CCDC60: variants seen among roughly 807,000 people sequenced by gnomAD.
CCDC60 encodes coiled-coil domain-containing protein 60.
In CCDC60, 54 loss-of-function variants were observed where a neutral mutation model predicts 63.5. The observed-to-expected ratio is 0.85, with a 90% confidence interval of 0.68 to 1.07. CCDC60 has a LOEUF of 1.07. Ranked by LOEUF, CCDC60 falls within the 50% of genes least tolerant of loss-of-function variation. The pLI is 0.00. For missense variants in CCDC60, 651 were observed against 684.3 expected, an observed-to-expected ratio of 0.95 and a Z score of 0.54; for synonymous variants, 206 against 238.8, an observed-to-expected ratio of 0.86 and a Z score of 1.27.
At chr12:119,394,988 G>A (rs565899913) in intron 1 of CCDC60, among the ~76,000 whole-genome samples, 12 of 152,344 alleles carry the variant, frequency 7.9e-5, no homozygotes, top group Admixed American at 5.2e-4. Context: ...GCTTCATAAT[G>A]GTGAGGATAC....
At chr12:119,384,978 A>T (rs761076231) in intron 1 of CCDC60, among the ~76,000 whole-genome samples, 12 of 152,272 alleles carry the variant, frequency 7.9e-5, no homozygotes, top group Non-Finnish European at 1.8e-4. Flanking sequence ...TGGCGAAACC[A>T]TGTGCCCTGG....
intron 4 of CCDC60, 82 bp from the exon 5 acceptor site, chr12:119,488,677 C>G: frequency 8.6e-7 from 1 of 1,162,086 alleles, no homozygotes. Context: ...GGAGCAAGTA[C>G]CACTACTATT....
chr12:119,456,663 T>C lies in CCDC60; in HGVS notation c.171-15331T>C, dbSNP rs1950755330. 6.6e-6 allele frequency among the ~76,000 whole-genome samples: 1 copy of C among 152,182 alleles called. No individual in the cohort carries two copies. The highest frequency in any genetic ancestry group is 6.5e-5 in the Admixed American group (1 of 15,282). On this transcript the variant is annotated intron_variant, in intron 2 of 13. Coordinates refer to ENST00000327554, the MANE Select transcript of CCDC60 (RefSeq NM_178499.5). The surrounding 1 kb of genome is among the most constrained non-coding windows in gnomAD (Gnocchi z 4.6). ...CCCCAAGGGCTAATGGTTGCCCATT[T>C]TTATGGTTATTTCCTGATGATATGC...
chr12:119,393,750 A>G (rs1416974169), intron 1 of CCDC60, among the ~76,000 whole-genome samples: 5 of 152,222 alleles, frequency 3.3e-5, no homozygotes, highest in Non-Finnish European at 5.9e-5. Context: ...GAGGAAAGAA[A>G]TATCAGTCTG....
intron 2 of CCDC60, among the ~76,000 whole-genome samples, chr12:119,464,901 A>G (rs113713912): frequency 0.046 from 6,959 of 152,266 alleles, 545 homozygotes; most frequent in African/African-American, 0.16. Flanking sequence ...TATGGATTCA[A>G]TTGTGTCCTC....
At chr12:119,352,656 G>T (rs892473959) in intron 1 of CCDC60, among the ~76,000 whole-genome samples, 1 of 152,138 alleles carries the variant, frequency 6.6e-6, no homozygotes, top group Admixed American at 6.5e-5. Context: ...TCACTTCCCA[G>T]TCAGACATGG....
chr12:119,539,569 G>A (rs1264954099), intron 13 of CCDC60, among the ~76,000 whole-genome samples: 1 of 152,212 alleles, frequency 6.6e-6, no homozygotes, highest in Non-Finnish European at 1.5e-5. Flanking sequence ...ACTTCAGACT[G>A]CTGTGCTGGC....
intron 1 of CCDC60, among the ~76,000 whole-genome samples, chr12:119,343,976 T>G (rs1346930090): frequency 6.6e-6 from 1 of 152,150 alleles, no homozygotes; most frequent in Non-Finnish European, 1.5e-5. Flanking sequence ...TTACCCAAGT[T>G]TCTGTCCCAA....
intron 11 of CCDC60, among the ~76,000 whole-genome samples, chr12:119,526,969 G>A (rs557087545): frequency 7.2e-5 from 11 of 152,288 alleles, no homozygotes; most frequent in South Asian, 2.1e-4. Context: ...GCATGTGAAT[G>A]TCCACTGCAG....
chr12:119,413,723 C>T (rs1956647089), intron 1 of CCDC60, among the ~76,000 whole-genome samples: 1 of 151,986 alleles, frequency 6.6e-6, no homozygotes, highest in African/African-American at 2.4e-5. Flanking sequence ...GAGGGGATTC[C>T]GACTCCACAT....
chr12:119,474,753 T>TC (rs1447191402), intron 3 of CCDC60, among the ~76,000 whole-genome samples: 3 of 152,082 alleles, frequency 2.0e-5, no homozygotes, highest in Non-Finnish European at 2.9e-5. Context: ...ACACCTGTAA[T>TC]CCCAGCACTT....
intron 4 of CCDC60, among the ~76,000 whole-genome samples, chr12:119,480,035 C>T (rs1644764214): frequency 1.3e-5 from 2 of 149,982 alleles, no homozygotes; most frequent in Non-Finnish European, 2.9e-5. Context: ...CACACACACA[C>T]ACACACACAC....
chr12:119,354,900 C>A (rs1955700512), intron 1 of CCDC60, among the ~76,000 whole-genome samples: 1 of 152,082 alleles, frequency 6.6e-6, no homozygotes, highest in African/African-American at 2.4e-5. Flanking sequence ...TAGATTCTCC[C>A]AGTTCTGAAG....
intron 2 of CCDC60, among the ~76,000 whole-genome samples, chr12:119,453,487 T>A (rs1950671511): frequency 6.6e-6 from 1 of 152,228 alleles, no homozygotes. Flanking sequence ...ATTACTTACA[T>A]GATAACCAAG....
intron 1 of CCDC60, among the ~76,000 whole-genome samples, chr12:119,405,628 CA>C (rs1477057124): frequency 8.5e-5 from 13 of 152,248 alleles, no homozygotes; most frequent in Non-Finnish European, 1.3e-4. Context: ...GCCCTCTTCT[CA>C]TCCTTGATGC....
intron 1 of CCDC60, among the ~76,000 whole-genome samples, chr12:119,399,235 A>T (rs1956342718): frequency 6.6e-6 from 1 of 152,168 alleles, no homozygotes; most frequent in South Asian, 2.1e-4. Flanking sequence ...CCTGGATGAC[A>T]GACTGGGGTC....
chr12:119,437,210 A>C (rs2136249403), intron 2 of CCDC60, among the ~76,000 whole-genome samples: 1 of 152,286 alleles, frequency 6.6e-6, no homozygotes, highest in African/African-American at 2.4e-5. Flanking sequence ...AGCTTCTCCT[A>C]ACTTTTTTTG....
At chr12:119,337,859 T>C (rs1955490144) in intron 1 of CCDC60, among the ~76,000 whole-genome samples, 1 of 151,748 alleles carries the variant, frequency 6.6e-6, no homozygotes, top group Non-Finnish European at 1.5e-5. Context: ...TGTGTGTGTG[T>C]GTGTGTCTCC....
At chr12:119,375,804 G>A (rs1955945214) in intron 1 of CCDC60, among the ~76,000 whole-genome samples, 2 of 152,166 alleles carry the variant, frequency 1.3e-5, no homozygotes, top group Admixed American at 1.3e-4. Context: ...ATGCAATGTG[G>A]GGAAGTGGGT....
Sources: allele counts gnomAD v4.1 joint callset (sites outside exome capture counted in the v4.1 genomes callset), GRCh38; gene constraint gnomAD v4.1.1; non-coding constraint Gnocchi (gnomAD v3.1); transcripts MANE v1.5; gene names NCBI Gene and HGNC (gene_info 2026-07-23, HGNC 2026-07-21).